The following PTPRN2 variants were observed in gnomAD, a reference collection of about 807,000 sequenced individuals.
PTPRN2 encodes receptor-type tyrosine-protein phosphatase N2.
In PTPRN2, 74 loss-of-function variants were observed where a neutral mutation model predicts 118.8. The ratio of observed to expected loss-of-function variants is 0.62; its 90% confidence interval spans 0.52 to 0.76. PTPRN2 has a LOEUF of 0.76. PTPRN2 is among the 30% of genes least tolerant of loss of function. The probability of loss-of-function intolerance (pLI) is 0.00; values close to 1 mark genes in which losing one functional copy is unlikely to be tolerated. For missense variants in PTPRN2, 1,481 were observed against 1,394.4 expected (o/e 1.06, Z -0.99); for synonymous variants, 641 against 608.0 (o/e 1.05, Z -0.80).
At chr7:158,587,465 T>A in intron 1 of PTPRN2, 93 bp downstream of exon 1, 3 of 555,322 alleles carry the variant, frequency 5.4e-6, no homozygotes, top group Non-Finnish European at 4.0e-6. Flanking sequence ...GGGTGGCGCC[T>A]CTCCCCACCC....
intron 15 of PTPRN2, among the ~76,000 whole-genome samples, chr7:157,612,555 G>A (rs2150603735): frequency 6.6e-6 from 1 of 152,334 alleles, no homozygotes; most frequent in African/African-American, 2.4e-5. Flanking sequence ...ATTAACGCCC[G>A]TTTTGTGGAT....
Position 157,560,976 on chromosome 7 carries a change from G to A in PTPRN2, c.2902+7926C>T, listed in dbSNP as rs1799158547. Among the ~76,000 whole-genome samples the A allele has an allele frequency of 6.6e-6, 1 of 152,100 alleles. No individual in the cohort carries two copies. Among genetic ancestry groups the A allele is most frequent in the Admixed American group, 6.5e-5 (1 of 15,280 alleles). On this transcript the variant is annotated intron_variant, in intron 21 of 22. Transcript: ENST00000389418. This position sits in a 1 kb window ranked among gnomAD's most constrained non-coding sequence, Gnocchi z 6.7. The stretch of plus-strand genomic sequence containing the variant: ...TGCACCTCCTTCTCTTGGTGCCTGC[G>A]CCCAAATGTGTGGCTCTGTCTGGCT...
At chr7:157,789,987 G>GT (rs1804345890) in intron 12 of PTPRN2, among the ~76,000 whole-genome samples, 1 of 146,590 alleles carries the variant, frequency 6.8e-6, no homozygotes, top group Non-Finnish European at 1.5e-5. Flanking sequence ...GTGTGTGTGT[G>GT]GTGGGGGTGT....
At chr7:158,056,973 C>G (rs960762896) in intron 11 of PTPRN2, among the ~76,000 whole-genome samples, 1 of 152,166 alleles carries the variant, frequency 6.6e-6, no homozygotes, top group East Asian at 1.9e-4. Flanking sequence ...TCAGCCACCT[C>G]GGATGTGTCC....
rs1413836141 is a variant in PTPRN2, at chr7:157,977,406, G to C, written c.1724-78669C>G. Among the ~76,000 whole-genome samples the C allele has an allele frequency of 6.6e-6, 1 of 151,920 alleles. No homozygotes were observed. The highest frequency in any genetic ancestry group is 6.6e-5 in the Admixed American group (1 of 15,258). On this transcript the variant is annotated intron_variant, in intron 11 of 22. Transcript: ENST00000389418. This position sits in a 1 kb window ranked among gnomAD's most constrained non-coding sequence, Gnocchi z 4.6. ...TGGGAGGGGTTTATCAGAGATCTGG[G>C]AGCCAGGAAAGGTCTCCTGAGGGGA...
intron 2 of PTPRN2, among the ~76,000 whole-genome samples, chr7:158,334,105 G>T (rs1299807146): frequency 6.8e-5 from 5 of 73,626 alleles, no homozygotes; most frequent in Non-Finnish European, 1.1e-4. Context: ...GGTGACACCT[G>T]CAGACGTCAC....
rs1802333849 is a variant in PTPRN2, at chr7:157,764,537, T to C, written c.1789-81600A>G. ...GGGGTCCTTAGAGTCATCAGATCCA[T>C]AGAGACAGAATGTAGGACAGTGGGT... On this transcript the variant is annotated intron_variant, in intron 12 of 22. Coordinates refer to ENST00000389418, the MANE Select transcript of PTPRN2 (RefSeq NM_002847.5). This position sits in a 1 kb window ranked among gnomAD's most constrained non-coding sequence, Gnocchi z 4.5. Among the ~76,000 whole-genome samples, 2 of 152,132 alleles carry C rather than the reference T, an allele frequency of 1.3e-5. No individual in the cohort carries two copies. The highest frequency in any genetic ancestry group is 2.4e-5 in the African/African-American group (1 of 41,432).
intron 3 of PTPRN2, among the ~76,000 whole-genome samples, chr7:158,226,425 G>T (rs949263182): frequency 2.2e-4 from 33 of 152,204 alleles, no homozygotes; most frequent in Non-Finnish European, 4.4e-5. Context: ...CCAGGTTTGT[G>T]GGTGGGGACG....
At chr7:157,661,203 C>T (rs987471121) in intron 13 of PTPRN2, among the ~76,000 whole-genome samples, 1 of 152,276 alleles carries the variant, frequency 6.6e-6, no homozygotes, top group Non-Finnish European at 1.5e-5. Context: ...AGTGGTCTCG[C>T]GTCACTGCGC....
intron 9 of PTPRN2, among the ~76,000 whole-genome samples, chr7:158,119,095 A>G (rs952895020): frequency 3.3e-5 from 5 of 152,212 alleles, no homozygotes; most frequent in African/African-American, 1.2e-4. Context: ...CTATTAAAGG[A>G]AAGTAAAATA....
rs972159952 is a variant in PTPRN2, at chr7:157,953,956, A to T, written c.1724-55219T>A. 3.9e-5 allele frequency among the ~76,000 whole-genome samples: 6 copies of T among 152,220 alleles called. No individual in the cohort carries two copies. Among genetic ancestry groups the T allele is most frequent in the African/African-American group, 1.4e-4 (6 of 41,444 alleles). ...ATGCATGTGTGTTAGAGTCTCTTCC[A>T]CAGAACTCTCTGGAAAGGCCGTTCC... On this transcript the variant is annotated intron_variant, in intron 11 of 22. Transcript: ENST00000389418. This position sits in a 1 kb window ranked among gnomAD's most constrained non-coding sequence, Gnocchi z 4.6.
intron 13 of PTPRN2, among the ~76,000 whole-genome samples, chr7:157,665,312 G>T (rs980787041): frequency 1.3e-5 from 2 of 152,268 alleles, no homozygotes; most frequent in Non-Finnish European, 2.9e-5. Context: ...GCGACCTTGA[G>T]TTTGTAAGGA....
intron 10 of PTPRN2, among the ~76,000 whole-genome samples, chr7:158,084,971 C>A (rs1813177031): frequency 7.1e-6 from 1 of 140,370 alleles, no homozygotes. Flanking sequence ...CATCCACACC[C>A]ACGACGCCCA....
intron 3 of PTPRN2, among the ~76,000 whole-genome samples, chr7:158,239,114 C>T (rs999528676): frequency 6.6e-6 from 1 of 152,182 alleles, no homozygotes; most frequent in African/African-American, 2.4e-5. Flanking sequence ...GGGTGGGGGC[C>T]ACCACCATGC....
chr7:157,577,195 C>T (rs577887025), intron 18 of PTPRN2, among the ~76,000 whole-genome samples: 7 of 152,304 alleles, frequency 4.6e-5, no homozygotes, highest in Admixed American at 2.6e-4. Flanking sequence ...GAGACTCCGT[C>T]GCAGCTGCGC....
At chr7:158,258,648 G>C (rs1182337390) in intron 3 of PTPRN2, among the ~76,000 whole-genome samples, 3 of 152,144 alleles carry the variant, frequency 2.0e-5, no homozygotes, top group African/African-American at 7.2e-5. Flanking sequence ...GAGGTTTCAG[G>C]GCCTTCCCTG....
intron 3 of PTPRN2, among the ~76,000 whole-genome samples, chr7:158,257,094 A>C (rs1797068098): frequency 6.6e-6 from 1 of 152,122 alleles, no homozygotes; most frequent in South Asian, 2.1e-4. Flanking sequence ...TCTGGGTTGA[A>C]ATGGAGTTGA....
chr7:157,859,979 G>GCC (rs1554472976), intron 12 of PTPRN2, among the ~76,000 whole-genome samples: 1 of 109,582 alleles, frequency 9.1e-6, no homozygotes, highest in African/African-American at 3.6e-5. Context: ...TGCAGGGAGA[G>GCC]CCCCGGCCAC....
At chr7:158,148,442 C>A (rs1452214098) in intron 6 of PTPRN2, among the ~76,000 whole-genome samples, 2 of 123,374 alleles carry the variant, frequency 1.6e-5, no homozygotes, top group Admixed American at 8.4e-5. Context: ...TTCAATGACA[C>A]CCCATCTCAT....
Sources: allele counts gnomAD v4.1 joint callset (sites outside exome capture counted in the v4.1 genomes callset), GRCh38; gene constraint gnomAD v4.1.1; non-coding constraint Gnocchi (gnomAD v3.1); transcripts MANE v1.5; gene names NCBI Gene and HGNC (gene_info 2026-07-23, HGNC 2026-07-21).